ARHGAP24: variants seen among roughly 807,000 people sequenced by gnomAD.
ARHGAP24 encodes Rho GTPase activating protein 24, also known as rho GTPase-activating protein 24.
In ARHGAP24, 50 loss-of-function variants were observed where a neutral mutation model predicts 76.4. That is an observed-to-expected ratio of 0.65 (90% CI 0.52 to 0.83). The LOEUF is 0.83. Ranked by LOEUF, ARHGAP24 falls within the 40% of genes least tolerant of loss-of-function variation. ARHGAP24 has a pLI of 0.00. For synonymous variants in ARHGAP24, 345 were observed against 323.3 expected (o/e 1.07, Z -0.72); for missense variants, 930 against 914.2 (o/e 1.02, Z -0.22).
intron 2 of ARHGAP24, among the ~76,000 whole-genome samples, chr4:85,588,757 T>A (rs773899679): frequency 3.3e-5 from 5 of 152,198 alleles, no homozygotes; most frequent in Non-Finnish European, 7.3e-5. Context: ...AACAAAATTT[T>A]TATTTGATTT....
At chr4:85,730,486 C>T (rs1029831171) in intron 3 of ARHGAP24, among the ~76,000 whole-genome samples, 2 of 152,120 alleles carry the variant, frequency 1.3e-5, no homozygotes, top group African/African-American at 2.4e-5. Context: ...GGCTCACTGC[C>T]GCCTCAACCT....
At chr4:85,589,676 T>C (rs1007583171) in intron 2 of ARHGAP24, among the ~76,000 whole-genome samples, 1 of 152,204 alleles carries the variant, frequency 6.6e-6, no homozygotes, top group African/African-American at 2.4e-5. Context: ...CTTTGGGTCC[T>C]TTCTTTTGAA....
At chr4:85,970,847 CT>C (rs1738928600) in intron 5 of ARHGAP24, among the ~76,000 whole-genome samples, 1 of 152,132 alleles carries the variant, frequency 6.6e-6, no homozygotes, top group South Asian at 2.1e-4. Context: ...TTATTCTCCC[CT>C]GAAATACAAA....
chr4:85,813,360 T>G (rs1729092607), intron 3 of ARHGAP24, among the ~76,000 whole-genome samples: 1 of 152,158 alleles, frequency 6.6e-6, no homozygotes, highest in African/African-American at 2.4e-5. Context: ...AAGGCCTAAC[T>G]ACCTGAGTAG....
intron 2 of ARHGAP24, among the ~76,000 whole-genome samples, chr4:85,683,117 T>TGGGGGGGGGGGGGGG (rs201448168): frequency 1.4e-4 from 8 of 56,970 alleles, no homozygotes; most frequent in Middle Eastern, 7.5e-3. Context: ...TGTGGGGGGG[T>TGGGGGGGGGGGGGGG]GGGGGGGGGG....
intron 1 of ARHGAP24, among the ~76,000 whole-genome samples, chr4:85,479,961 G>A (rs1276238135): frequency 6.6e-6 from 1 of 152,136 alleles, no homozygotes; most frequent in African/African-American, 2.4e-5. Flanking sequence ...TCTCTGAAAA[G>A]CCTGGAACTA....
chr4:85,570,995 T>TG, intron 2 of ARHGAP24: 1 of 322,618 alleles, frequency 3.1e-6, no homozygotes. Context: ...ACTTAGTTCA[T>TG]GAGAAAATTT....
chr4:85,754,904 T>C lies in ARHGAP24; in HGVS notation c.268+32932T>C, dbSNP rs554039573. On this transcript the variant is annotated intron_variant, in intron 3 of 9. Transcript: ENST00000395184. Reference sequence around the variant, plus strand: ...CAAGTTTATAAAATTGGGATGATTATTTCTGTCCTGTCTACCTCCCCGGGT... The same window carrying C: ...CAAGTTTATAAAATTGGGATGATTACTTCTGTCCTGTCTACCTCCCCGGGT... Among the ~76,000 whole-genome samples the C allele has an allele frequency of 3.3e-4, 51 of 152,338 alleles. No individual in the cohort carries two copies. The East Asian group carries it at 9.5e-3, about 28-fold the overall frequency.
At chr4:85,588,951 T>G (rs1281342710) in intron 2 of ARHGAP24, among the ~76,000 whole-genome samples, 1 of 152,212 alleles carries the variant, frequency 6.6e-6, no homozygotes, top group Non-Finnish European at 1.5e-5. Context: ...AAAAGTTGGC[T>G]CCTCTCTAAA....
intron 1 of ARHGAP24, among the ~76,000 whole-genome samples, chr4:85,532,160 A>G (rs1000407866): frequency 2.0e-5 from 3 of 152,158 alleles, no homozygotes; most frequent in Non-Finnish European, 4.4e-5. Flanking sequence ...ATGTGACATA[A>G]ACTGTGATCT....
At chr4:85,905,784 C>A (rs1734742066) in intron 3 of ARHGAP24, among the ~76,000 whole-genome samples, 2 of 152,078 alleles carry the variant, frequency 1.3e-5, no homozygotes, top group Admixed American at 1.3e-4. Flanking sequence ...TTTCTCCCAC[C>A]CCCATATTTA....
At chr4:85,864,284 A>G (rs1258294540) in intron 3 of ARHGAP24, among the ~76,000 whole-genome samples, 1 of 152,102 alleles carries the variant, frequency 6.6e-6, no homozygotes, top group Non-Finnish European at 1.5e-5. Context: ...TGTCTGCCTA[A>G]GGAATTCCTT....
At chr4:85,660,806 A>AAAAAT (rs1347529584) in intron 2 of ARHGAP24, among the ~76,000 whole-genome samples, 2 of 150,594 alleles carry the variant, frequency 1.3e-5, no homozygotes, top group African/African-American at 4.9e-5. Flanking sequence ...AAAAAAAAAA[A>AAAAAT]AAAAAAAAAA....
chr4:85,942,225 A>C lies in ARHGAP24; in HGVS notation c.551A>C (p.Lys184Thr), dbSNP rs919119161. 4 of 1,614,104 alleles carry C rather than the reference A, an allele frequency of 2.5e-6. No homozygotes were observed. The highest frequency in any genetic ancestry group is 3.4e-6 in the Non-Finnish European group (4 of 1,180,008). The change falls in exon 5 of 10, where the codon AAG becomes ACG. Residue 184 changes from lysine (K) to threonine (T), a missense_variant. By Grantham distance (78) the Lys-to-Thr change is moderately conservative. Transcript: ENST00000395184. ...FRLPGQANLV[K>T]ELQDAFDCGE... ...CTGCCAGGCCAGGCTAATCTTGTTA[A>C]GGAGCTCCAAGATGCCTTTGACTGT... is the stretch of plus-strand genomic sequence containing the variant.
intron 3 of ARHGAP24, among the ~76,000 whole-genome samples, chr4:85,914,191 T>C (rs749508680): frequency 6.6e-6 from 1 of 152,220 alleles, no homozygotes; most frequent in Non-Finnish European, 1.5e-5. Flanking sequence ...TAGTACTTTC[T>C]GGCTGAATGG....
intron 1 of ARHGAP24, among the ~76,000 whole-genome samples, chr4:85,526,756 G>A (rs1355369170): frequency 6.6e-6 from 1 of 152,076 alleles, no homozygotes; most frequent in African/African-American, 2.4e-5. Flanking sequence ...TTGAATACCT[G>A]AGTGTCAATA....
chr4:85,912,751 T>TA (rs1735157187), intron 3 of ARHGAP24, among the ~76,000 whole-genome samples: 1 of 152,184 alleles, frequency 6.6e-6, no homozygotes, highest in Non-Finnish European at 1.5e-5. Flanking sequence ...TGTTTTAAAA[T>TA]AAAAATAGTA....
chr4:85,732,693 T>C (rs1725450741), intron 3 of ARHGAP24, among the ~76,000 whole-genome samples: 1 of 85,838 alleles, frequency 1.2e-5, no homozygotes, highest in Non-Finnish European at 3.2e-5. Flanking sequence ...AATTCAAACT[T>C]CTTTTTTTTT....
At chr4:85,534,857 G>T (rs957320155) in intron 1 of ARHGAP24, among the ~76,000 whole-genome samples, 11 of 151,032 alleles carry the variant, frequency 7.3e-5, no homozygotes, top group African/African-American at 2.7e-4. Flanking sequence ...AGGTGAACAT[G>T]CTTGCTCTAT....
Sources: allele counts gnomAD v4.1 joint callset (sites outside exome capture counted in the v4.1 genomes callset), GRCh38; gene constraint gnomAD v4.1.1; transcripts MANE v1.5; gene names NCBI Gene and HGNC (gene_info 2026-07-23, HGNC 2026-07-21).